LYPD5: variants seen among roughly 807,000 people sequenced by gnomAD.
LYPD5 encodes the protein LY6/PLAUR domain containing 5, also known as ly6/PLAUR domain-containing protein 5.
LYPD5 carries 21 observed loss-of-function variants against 19.1 expected under a neutral mutation model. The ratio of observed to expected loss-of-function variants is 1.10; its 90% CI spans 0.78 to 1.58. LYPD5 has a LOEUF of 1.58. Among genes scored for constraint, LYPD5 ranks in the 40% most tolerant of loss-of-function variants. LYPD5 has a pLI of 0.00. For synonymous variants in LYPD5, 128 were observed against 142.7 expected, an observed-to-expected ratio of 0.90 and a Z score of 0.74; for missense variants, 287 against 329.8, an observed-to-expected ratio of 0.87 and a Z score of 1.00.
chr19:43,814,979 G>A (rs1464340114), intron 1 of LYPD5, among the ~76,000 whole-genome samples: 2 of 152,206 alleles, frequency 1.3e-5, no homozygotes, highest in East Asian at 3.8e-4. Context: ...CTTATATGCT[G>A]CATAATAAAT....
intron 1 of LYPD5, among the ~76,000 whole-genome samples, chr19:43,813,160 T>C (rs1970341238): frequency 6.6e-6 from 1 of 152,204 alleles, no homozygotes; most frequent in African/African-American, 2.4e-5. Context: ...GCATATCAAG[T>C]GCTCAGGATC....
intron 1 of LYPD5, among the ~76,000 whole-genome samples, chr19:43,807,699 T>C (rs558610605): frequency 6.6e-6 from 1 of 152,336 alleles, no homozygotes; most frequent in African/African-American, 2.4e-5. Context: ...TTGGGATCAA[T>C]AGCTGCATAA....
At chr19:43,810,407 G>C (rs144471119) in intron 1 of LYPD5, among the ~76,000 whole-genome samples, 1 of 151,116 alleles carries the variant, frequency 6.6e-6, no homozygotes, top group African/African-American at 2.4e-5. Context: ...CATCATCATG[G>C]GTCACTGCAG....
Position 43,798,976 on chromosome 19 carries a change from G to T in LYPD5, c.206C>A (p.Pro69Gln), listed in dbSNP as rs369369665. The change falls in exon 3 of 5, where the codon CCG (proline) becomes CAG (glutamine). Residue 69 changes from proline (P) to glutamine (Q), a missense_variant. Physicochemically the swap from Pro to Gln is moderately conservative, Grantham distance 76. Transcript: ENST00000377950. ...ILSLDTGYRA[P>Q]VTLVRKGCWT... ...GCAGCCCTTCCGCACCAGGGTCACC[G>T]GCGCGCGATACCCTGGGGGCGGGAT... 1.3e-4 allele frequency: 212 copies of T among 1,574,550 alleles called. No individual in the cohort carries two copies. The highest frequency in any genetic ancestry group is 1.7e-4 in the Non-Finnish European group (197 of 1,160,606).
upstream of LYPD5, among the ~76,000 whole-genome samples, chr19:43,805,779 A>T (rs1343575083): frequency 6.6e-6 from 1 of 152,202 alleles, no homozygotes; most frequent in Non-Finnish European, 1.5e-5. Context: ...AAGTGCTGGG[A>T]TTACAGGCGT....
intron 2 of LYPD5, 115 bp downstream of exon 2, chr19:43,799,591 A>C (rs943464173): frequency 1.6e-5 from 18 of 1,135,396 alleles, no homozygotes; most frequent in South Asian, 5.0e-5. Flanking sequence ...CTCCCTCCCC[A>C]TCTTTCTATC....
chr19:43,816,136 T>C (rs1490192595), intron 1 of LYPD5, among the ~76,000 whole-genome samples: 3 of 152,182 alleles, frequency 2.0e-5, no homozygotes, highest in Non-Finnish European at 2.9e-5. Context: ...ATTATGTGCC[T>C]GTTTATCAGT....
chr19:43,803,768 T>C (rs939225152), upstream of LYPD5, among the ~76,000 whole-genome samples: 13 of 152,328 alleles, frequency 8.5e-5, no homozygotes, highest in African/African-American at 2.9e-4. Context: ...GTAGAACCTG[T>C]GGATGCAGAA....
chr19:43,810,837 C>A (rs1043215136), intron 1 of LYPD5, among the ~76,000 whole-genome samples: 3 of 151,852 alleles, frequency 2.0e-5, no homozygotes, highest in Non-Finnish European at 4.4e-5. Context: ...ACCACGTTGG[C>A]CAGGCTGGTC....
chr19:43,811,673 GAGAA>G (rs757588163), intron 1 of LYPD5, among the ~76,000 whole-genome samples: 1,781 of 126,440 alleles, frequency 0.014, 36 homozygotes, highest in African/African-American at 0.049. Context: ...GTGACAAAGG[GAGAA>G]AGAAAGAAAG....
rs1234525794 is a variant in LYPD5, at chr19:43,799,981, G to T, written c.65-147C>A. Reference sequence around the variant, plus strand: ...CCTTGAGAGACCAGGTGCTGCTATTGCAGCTGGTCACAGCTGTGTCTGTCT... The same window carrying T: ...CCTTGAGAGACCAGGTGCTGCTATTTCAGCTGGTCACAGCTGTGTCTGTCT... On this transcript the variant is annotated intron_variant, in intron 1 of 4. Transcript: ENST00000377950. 3.2e-6 allele frequency: 3 copies of T among 933,096 alleles called. No homozygotes were observed. In the African/African-American group the frequency reaches 5.0e-5, roughly 16 times the overall value. 57.8% of individuals were successfully genotyped at this position (933,096 alleles called of 1,614,324 possible).
chr19:43,803,585 C>T (rs760909166), upstream of LYPD5, among the ~76,000 whole-genome samples: 20 of 149,110 alleles, frequency 1.3e-4, no homozygotes, highest in Non-Finnish European at 3.0e-4. Context: ...CCCCTCAGAT[C>T]GACTAAACTT....
chr19:43,813,206 G>A (rs981151436), intron 1 of LYPD5, among the ~76,000 whole-genome samples: 1 of 152,118 alleles, frequency 6.6e-6, no homozygotes, highest in African/African-American at 2.4e-5. Context: ...ACTCAGTAGC[G>A]GCGGTAACTT....
intron 1 of LYPD5, among the ~76,000 whole-genome samples, chr19:43,818,444 C>T (rs2146510511): frequency 6.6e-6 from 1 of 152,310 alleles, no homozygotes; most frequent in Non-Finnish European, 1.5e-5. Context: ...TGTTTTAAGA[C>T]CACCTAGCTG....
At chr19:43,819,060 A>G (rs1970396796) in intron 1 of LYPD5, among the ~76,000 whole-genome samples, 1 of 151,732 alleles carries the variant, frequency 6.6e-6, no homozygotes, top group Non-Finnish European at 1.5e-5. Flanking sequence ...TTTTTTATTC[A>G]TCTTTTGAAA....
At chr19:43,808,777 C>T (rs1485920149) in intron 1 of LYPD5, among the ~76,000 whole-genome samples, 1 of 152,120 alleles carries the variant, frequency 6.6e-6, no homozygotes, top group African/African-American at 2.4e-5. Context: ...TTTCCATTTT[C>T]TGGTCCTGAT....
upstream of LYPD5, among the ~76,000 whole-genome samples, chr19:43,803,341 G>GT (rs1023276851): frequency 1.3e-5 from 2 of 152,240 alleles, no homozygotes; most frequent in Non-Finnish European, 2.9e-5. Flanking sequence ...CACTCAGCAG[G>GT]TGAGGAGGTC....
chr19:43,802,880 C>T (rs1970240491), upstream of LYPD5, among the ~76,000 whole-genome samples: 1 of 152,164 alleles, frequency 6.6e-6, no homozygotes, highest in Admixed American at 6.6e-5. Flanking sequence ...GTCTCCCAGC[C>T]CTGATCAAAC....
At chr19:43,812,154 G>C (rs1970329043) in intron 1 of LYPD5, among the ~76,000 whole-genome samples, 1 of 152,068 alleles carries the variant, frequency 6.6e-6, no homozygotes, top group African/African-American at 2.4e-5. Context: ...ACGTTCCAAA[G>C]GGGAGCAAAA....
Sources: gnomAD v4.1 joint callset for allele counts (sites outside exome capture counted in the v4.1 genomes callset) on GRCh38, gnomAD v4.1.1 for gene constraint, MANE v1.5 for transcripts, NCBI Gene and HGNC (gene_info 2026-07-23, HGNC 2026-07-21) for gene names.